Variants in INTS12 observed in about 807,000 individuals in gnomAD.
INTS12 encodes PHD finger protein 22.
Under a neutral mutation model 41.6 loss-of-function variants are expected in INTS12, and 13 were observed. The ratio of observed to expected loss-of-function variants is 0.31; its 90% confidence interval spans 0.20 to 0.50. The LOEUF (loss-of-function observed/expected upper bound fraction) is 0.50, where lower values mean the gene tolerates loss of function less well. Among genes scored for constraint, INTS12 ranks in the 20% least tolerant of loss-of-function variants. The pLI, the probability that INTS12 is intolerant of heterozygous loss-of-function variation, is 0.98. For missense variants in INTS12, 432 were observed against 541.6 expected, an observed-to-expected ratio of 0.80 and a Z score of 2.01; for synonymous variants, 199 against 191.4, an observed-to-expected ratio of 1.04 and a Z score of -0.33.
chr4:105,697,062 A>G (rs72671815), intron 3 of INTS12, among the ~76,000 whole-genome samples: 8,185 of 152,274 alleles, frequency 0.054, 253 homozygotes, highest in Middle Eastern at 0.14. Context: ...TTTTATTACT[A>G]AGTTAAAAGA....
intron 5 of INTS12, among the ~76,000 whole-genome samples, 172 bp downstream of exon 5, chr4:105,693,127 T>G (rs559466709): frequency 6.6e-6 from 1 of 152,334 alleles, no homozygotes; most frequent in East Asian, 1.9e-4. Context: ...CAATTTTCAA[T>G]ATGCTAAATT....
At chr4:105,685,016 A>C (rs1387999893) in intron 7 of INTS12, among the ~76,000 whole-genome samples, 1 of 152,130 alleles carries the variant, frequency 6.6e-6, no homozygotes, top group Non-Finnish European at 1.5e-5. Flanking sequence ...ACATAGAAGT[A>C]ATATAACACA....
Position 105,699,984 on chromosome 4 carries a change from C to A in INTS12, c.22G>T (p.Glu8Ter), listed in dbSNP as rs1212493963. 2.6e-6 allele frequency: 4 copies of A among 1,526,912 alleles called. No homozygotes were observed. The highest frequency in any genetic ancestry group is 3.6e-6 in the Non-Finnish European group (4 of 1,121,336). 94.6% of individuals were successfully genotyped at this position (1,526,912 alleles called of 1,614,324 possible). A position where few individuals can be genotyped will look rare whatever the true frequency, so the allele number is the denominator to read the frequency against. The change falls in exon 3 of 8, where the codon GAA becomes TAA. Residue 8 changes from glutamate (E) to a stop codon, truncating the protein, a stop_gained. Transcript: ENST00000340139. LOFTEE classifies it high-confidence loss of function. Reference protein sequence around the residue: MAATVNLELDPIFLKALG... With the variant: MAATVNL ...GCTTTCAAAAAAATGGGATCAAGTTCCAAGTTCACAGTAGCAGCCATTGCA... is the reference window on the plus strand; with the variant it reads ...GCTTTCAAAAAAATGGGATCAAGTTACAAGTTCACAGTAGCAGCCATTGCA...
intron 7 of INTS12, 46 bp downstream of exon 7, chr4:105,686,646 C>G (rs375258685): frequency 6.1e-6 from 9 of 1,465,212 alleles, no homozygotes; most frequent in Non-Finnish European, 8.3e-6. Context: ...TTTTAGTCAA[C>G]TAAACTTTAA....
chr4:105,707,254 C>A (rs1031812221), intron 1 of INTS12, among the ~76,000 whole-genome samples: 1 of 151,938 alleles, frequency 6.6e-6, no homozygotes, highest in African/African-American at 2.4e-5. Context: ...TATTAATAGT[C>A]TCTCCATTCA....
At chr4:105,708,211 G>C (rs1418041572) in intron 1 of INTS12, 1 of 985,352 alleles carries the variant, frequency 1.0e-6, no homozygotes, top group African/African-American at 1.7e-5. Flanking sequence ...TCAAGTGGCT[G>C]AAAGCTGACA....
intron 3 of INTS12, among the ~76,000 whole-genome samples, chr4:105,697,919 A>G (rs1417368523): frequency 6.6e-6 from 1 of 152,088 alleles, no homozygotes; most frequent in Non-Finnish European, 1.5e-5. Flanking sequence ...GCATGGTGGC[A>G]TGCACCTGTA....
chr4:105,708,434 GGCCC>G, intron 1 of INTS12, 200 bp downstream of exon 1: 1 of 985,416 alleles, frequency 1.0e-6, no homozygotes, highest in Non-Finnish European at 1.2e-6. Context: ...CGCATGTCCC[GGCCC>G]GCAACTCCCT....
chr4:105,683,278 C>A lies in INTS12; in HGVS notation c.844G>T (p.Val282Phe), dbSNP rs146172950. Residue 282 changes from valine (V) to phenylalanine (F), a missense_variant, in exon 8 of 8, where the codon GTT becomes TTT. By Grantham distance (50) the Val-to-Phe change is conservative (BLOSUM62 -1). Around this residue, in one of 3 missense-constraint regions of INTS12, gnomAD observed 258 missense variants for 309.9 expected, o/e 0.83. Transcript: ENST00000340139. ...VISGNSSSAS[V>F]SSSVTSGLTG... ...AAGCCACTAGTTACTGACGAGGAAA[C>A]GCTGGCACTAGAAGAATTTCCTGAA... is the stretch of plus-strand genomic sequence containing the variant. 35 of 1,613,194 alleles carry A rather than the reference C, an allele frequency of 2.2e-5. No individual in the cohort carries two copies. In the East Asian group the frequency reaches 6.9e-4, roughly 32 times the overall value.
intron 1 of INTS12, among the ~76,000 whole-genome samples, chr4:105,706,622 C>T (rs529486664): frequency 6.6e-6 from 1 of 152,320 alleles, no homozygotes; most frequent in African/African-American, 2.4e-5. Flanking sequence ...AATTCAGTTA[C>T]AACTAAAATT....
Position 105,683,054 on chromosome 4 carries a change from G to T in INTS12, c.1068C>A (p.Pro356=). Residue 356 remains proline (P), a synonymous_variant, in exon 8 of 8, where the codon CCC becomes CCA. Transcript: ENST00000340139. ...GTGGAGGTGGTTTTAAAGGTACAGT[G>T]GGCGTAGTGCTGTTATTGGAACCTA... ...SKIGSNNSTT[P]TVPLKPPPPL... The T allele has an allele frequency of 6.2e-7, 1 of 1,614,068 alleles. No individual in the cohort carries two copies. Among genetic ancestry groups the T allele is most frequent in the Non-Finnish European group, 8.5e-7 (1 of 1,179,984 alleles).
chr4:105,683,215 C>G lies in INTS12; in HGVS notation c.907G>C (p.Ala303Pro), dbSNP rs1299157259. The G allele has an allele frequency of 2.5e-6, 4 of 1,614,066 alleles. No homozygotes were observed. The highest frequency in any genetic ancestry group is 3.4e-6 in the Non-Finnish European group (4 of 1,179,974). The change falls in exon 8 of 8, where the codon GCT (alanine) becomes CCT (proline). Residue 303 changes from alanine to proline, a missense_variant. Ala to Pro is a conservative substitution (Grantham distance 27). Coordinates refer to ENST00000340139, the MANE Select transcript of INTS12 (RefSeq NM_020395.4). ...WAAFAAKTSS[A>P]GPSTAKLSST... is the part of the protein sequence containing the mutation. ...CTCAATTTTGCTGTTGAAGGACCAG[C>G]AGAGGAAGTTTTGGCTGCAAAAGCT...
At chr4:105,684,074 T>C (rs1471575959) in intron 7 of INTS12, among the ~76,000 whole-genome samples, 1 of 152,150 alleles carries the variant, frequency 6.6e-6, no homozygotes, top group Non-Finnish European at 1.5e-5. Context: ...GGCTGCACAG[T>C]GACATTTTGG....
intron 7 of INTS12, among the ~76,000 whole-genome samples, chr4:105,684,596 G>C (rs1041507179): frequency 6.6e-6 from 1 of 152,030 alleles, no homozygotes; most frequent in East Asian, 1.9e-4. Flanking sequence ...CCAGATATTT[G>C]TCCACATACT....
At chr4:105,689,638 C>T (rs748223725) in intron 6 of INTS12, among the ~76,000 whole-genome samples, 2 of 152,170 alleles carry the variant, frequency 1.3e-5, no homozygotes, top group Non-Finnish European at 2.9e-5. Context: ...CATGGTGGCT[C>T]ATGCCTATAA....
At chr4:105,698,749 C>T (rs771744344) in intron 3 of INTS12, among the ~76,000 whole-genome samples, 5 of 152,110 alleles carry the variant, frequency 3.3e-5, no homozygotes, top group African/African-American at 4.8e-5. Flanking sequence ...AAAAAGGCTT[C>T]GGAGTACTAG....
At chr4:105,692,876 C>A (rs1463563420) in intron 5 of INTS12, among the ~76,000 whole-genome samples, 1 of 152,168 alleles carries the variant, frequency 6.6e-6, no homozygotes, top group Non-Finnish European at 1.5e-5. Context: ...CAGTCCTTAG[C>A]ACATTACTGT....
chr4:105,693,652 C>T (rs985989133), intron 4 of INTS12, among the ~76,000 whole-genome samples, 166 bp from the exon 5 acceptor site: 2 of 152,034 alleles, frequency 1.3e-5, no homozygotes, highest in African/African-American at 4.8e-5. Flanking sequence ...AGAAGAATTG[C>T]AATGAATTTA....
In INTS12 at chr4:105,708,642, C is replaced by A; in HGVS notation, c.-176G>T. 1 of 976,408 alleles carries A rather than the reference C, an allele frequency of 1.0e-6. No individual in the cohort carries two copies. Among genetic ancestry groups the A allele is most frequent in the South Asian group, 4.7e-5 (1 of 21,108 alleles). 60.5% of individuals were successfully genotyped at this position (976,408 alleles called of 1,614,324 possible). ...GAGTCGCTCAGCATAACTCACCGTT[C>A]CGCCCCGCCCTGCCGATCCGTCTGT... On this transcript the variant is annotated 5_prime_UTR_variant, in exon 1 of 8. Transcript: ENST00000340139.
Sources: allele counts gnomAD v4.1 joint callset (sites outside exome capture counted in the v4.1 genomes callset), GRCh38; gene constraint gnomAD v4.1.1; regional missense constraint gnomAD v4.1.1; transcripts MANE v1.5; gene names NCBI Gene and HGNC (gene_info 2026-07-23, HGNC 2026-07-21).